The following RBFOX1 variants were observed in gnomAD, a reference collection of about 807,000 sequenced individuals.
RBFOX1 encodes the protein RNA binding fox-1 homolog 1.
Under a neutral mutation model 57.7 loss-of-function variants are expected in RBFOX1, and 8 were observed. That is an observed-to-expected ratio of 0.14 (90% CI 0.08 to 0.25). RBFOX1 has a LOEUF of 0.25. Among genes scored for constraint, RBFOX1 ranks in the 10% least tolerant of loss-of-function variants. RBFOX1 has a pLI of 1.00. For missense variants in RBFOX1, 611 were observed against 548.5 expected, an observed-to-expected ratio of 1.11 and a Z score of -1.14; for synonymous variants, 326 against 222.4, an observed-to-expected ratio of 1.47 and a Z score of -4.15.
chr16:6,525,174 T>G (rs972927083), intron 2 of RBFOX1, among the ~76,000 whole-genome samples: 3 of 152,210 alleles, frequency 2.0e-5, no homozygotes, highest in Non-Finnish European at 4.4e-5. Flanking sequence ...TGAACTATAG[T>G]AAGTGTTAGA....
chr16:7,014,379 T>TTTTTTA (rs2093801420), intron 3 of RBFOX1, among the ~76,000 whole-genome samples: 1 of 152,074 alleles, frequency 6.6e-6, no homozygotes, highest in East Asian at 1.9e-4. Context: ...CGCCTGGCTT[T>TTTTTTA]TTTTTATTTT....
At chr16:7,319,386 T>G (rs896906216) in intron 4 of RBFOX1, among the ~76,000 whole-genome samples, 1 of 152,208 alleles carries the variant, frequency 6.6e-6, no homozygotes, top group African/African-American at 2.4e-5. Flanking sequence ...TCAATAAGTT[T>G]ACAAGCATTT....
intron 3 of RBFOX1, among the ~76,000 whole-genome samples, chr16:6,794,893 C>T (rs894292572): frequency 1.3e-5 from 2 of 152,220 alleles, no homozygotes; most frequent in Middle Eastern, 6.8e-3. Context: ...GGGAAGGCCT[C>T]TGGATCAACC....
intron 4 of RBFOX1, among the ~76,000 whole-genome samples, chr16:7,080,108 C>T (rs977190690): frequency 1.2e-4 from 17 of 141,148 alleles, no homozygotes; most frequent in Non-Finnish European, 2.3e-4. Context: ...TATATAAAAC[C>T]ACAATTTAAA....
intron 3 of RBFOX1, among the ~76,000 whole-genome samples, chr16:5,864,997 C>T (rs2151893291): frequency 6.6e-6 from 1 of 152,170 alleles, no homozygotes; most frequent in South Asian, 2.1e-4. Flanking sequence ...TTTGTATTTC[C>T]CTATGGTAGA....
chr16:5,766,281 C>G (rs768297463), intron 3 of RBFOX1, among the ~76,000 whole-genome samples: 2 of 152,134 alleles, frequency 1.3e-5, no homozygotes, highest in Non-Finnish European at 2.9e-5. Context: ...GAGGAGGTAT[C>G]ATGCACTTTA....
chr16:6,228,277 C>T (rs1260308823), intron 1 of RBFOX1, among the ~76,000 whole-genome samples: 1 of 152,084 alleles, frequency 6.6e-6, no homozygotes, highest in Non-Finnish European at 1.5e-5. Context: ...GAGCTGAGAT[C>T]ATGCCACTGC....
intron 4 of RBFOX1, among the ~76,000 whole-genome samples, chr16:7,499,418 C>T (rs2069874529): frequency 6.6e-6 from 1 of 152,124 alleles, no homozygotes; most frequent in African/African-American, 2.4e-5. Flanking sequence ...ACCCCATTCC[C>T]AGATTAGGTT....
intron 3 of RBFOX1, among the ~76,000 whole-genome samples, chr16:6,885,960 C>T (rs1352045890): frequency 1.3e-5 from 2 of 152,120 alleles, no homozygotes; most frequent in Admixed American, 6.5e-5. Flanking sequence ...GATTTGTTTG[C>T]TGTCAAGAAT....
chr16:7,696,106 G>A lies in RBFOX1; in HGVS notation c.996-12950G>A, dbSNP rs547826819. Among the ~76,000 whole-genome samples, 27 of 152,308 alleles carry A rather than the reference G, an allele frequency of 1.8e-4. No individual in the cohort carries two copies. In the South Asian group the frequency reaches 5.6e-3, roughly 32 times the overall value. On this transcript the variant is annotated intron_variant, in intron 14 of 15. Coordinates refer to ENST00000550418, the MANE Select transcript of RBFOX1 (RefSeq NM_018723.4). Reference sequence around the variant, plus strand: ...CAACACATCTGGTCTGCTTTTTCTAGCCACATGGAATAGGCATTTTTCATT... The same window carrying A: ...CAACACATCTGGTCTGCTTTTTCTAACCACATGGAATAGGCATTTTTCATT...
In RBFOX1 at chr16:6,052,616, C is replaced by G. The variant is rs1006862331; in HGVS notation, c.-127+32624C>G. Among the ~76,000 whole-genome samples the G allele has an allele frequency of 3.3e-5, 5 of 151,942 alleles. No individual in the cohort carries two copies. The East Asian group carries it at 7.8e-4, about 24-fold the overall frequency. On this transcript the variant is annotated intron_variant, in intron 1 of 15. Transcript: ENST00000550418. Reference sequence around the variant, plus strand: ...TGGCTAACTTGGTGAAACTCTGTCTCTACTAAAAATACAAAAAATTAGACT... The same window carrying G: ...TGGCTAACTTGGTGAAACTCTGTCTGTACTAAAAATACAAAAAATTAGACT...
chr16:6,177,163 C>T (rs1452052981), intron 1 of RBFOX1, among the ~76,000 whole-genome samples: 3 of 150,462 alleles, frequency 2.0e-5, no homozygotes, highest in African/African-American at 7.3e-5. Context: ...TGGAAGTAGA[C>T]AACCAAATCT....
Position 7,558,185 on chromosome 16 carries a change from A to G in RBFOX1, c.271-21592A>G, listed in dbSNP as rs533081606. ...CCTGGGAAACATGGCAAAACTCCAT[A>G]TCCACTAAAAATACAAAAATTAGCT... On this transcript the variant is annotated intron_variant, in intron 5 of 15. Coordinates refer to ENST00000550418, the MANE Select transcript of RBFOX1 (RefSeq NM_018723.4). Among the ~76,000 whole-genome samples the G allele has an allele frequency of 1.1e-4, 17 of 152,104 alleles. No individual in the cohort carries two copies. In the South Asian group the frequency reaches 1.9e-3, roughly 17 times the overall value.
intron 2 of RBFOX1, among the ~76,000 whole-genome samples, chr16:5,477,307 A>T (rs1172060951): frequency 6.6e-6 from 1 of 152,172 alleles, no homozygotes; most frequent in Non-Finnish European, 1.5e-5. Flanking sequence ...GAAAAGTTGC[A>T]CTCAATGCGC....
intron 4 of RBFOX1, among the ~76,000 whole-genome samples, chr16:7,065,055 T>C (rs936966676): frequency 2.0e-5 from 3 of 152,198 alleles, no homozygotes; most frequent in Non-Finnish European, 4.4e-5. Context: ...AAGGAACAGA[T>C]GAGTATGTGA....
intron 4 of RBFOX1, among the ~76,000 whole-genome samples, chr16:7,392,487 G>A (rs560201124): frequency 1.6e-4 from 25 of 152,242 alleles, no homozygotes; most frequent in South Asian, 6.2e-4. Context: ...ACTCTTTATG[G>A]TCCTACCAAA....
chr16:6,724,324 C>T (rs1326246869), intron 3 of RBFOX1, among the ~76,000 whole-genome samples: 1 of 151,708 alleles, frequency 6.6e-6, no homozygotes, highest in Non-Finnish European at 1.5e-5. Flanking sequence ...GTTCTCTTGC[C>T]TCAGCCTCCC....
chr16:6,762,539 C>T (rs536793824), intron 3 of RBFOX1, among the ~76,000 whole-genome samples: 1 of 152,170 alleles, frequency 6.6e-6, no homozygotes, highest in Admixed American at 6.5e-5. Flanking sequence ...CGCCCACGGT[C>T]GTTATGTTCA....
At chr16:7,652,007 G>A (rs193286570) in intron 11 of RBFOX1, among the ~76,000 whole-genome samples, 2 of 152,174 alleles carry the variant, frequency 1.3e-5, no homozygotes, top group Admixed American at 6.5e-5. Flanking sequence ...GTTAGGATTT[G>A]CATGAGAAGG....
Sources: gnomAD v4.1 joint callset for allele counts (sites outside exome capture counted in the v4.1 genomes callset) on GRCh38, gnomAD v4.1.1 for gene constraint, MANE v1.5 for transcripts, NCBI Gene and HGNC (gene_info 2026-07-23, HGNC 2026-07-21) for gene names.